The following NELFA variants were observed in gnomAD, a reference collection of about 807,000 sequenced individuals.
The protein encoded by NELFA is negative elongation factor A.
Under a neutral mutation model 51.8 loss-of-function variants are expected in NELFA, and 35 were observed. That is an observed-to-expected ratio of 0.68 (90% CI 0.52 to 0.90). The LOEUF (loss-of-function observed/expected upper bound fraction) is 0.90. Ranked by LOEUF, NELFA falls within the 40% of genes least tolerant of loss-of-function variation. The probability of loss-of-function intolerance (pLI) is 0.00; values close to 1 mark genes in which losing one functional copy is unlikely to be tolerated. For synonymous variants in NELFA, 417 were observed against 338.4 expected, an observed-to-expected ratio of 1.23 and a Z score of -2.55; for missense variants, 658 against 746.4, an observed-to-expected ratio of 0.88 and a Z score of 1.38.
chr4:2,002,487 A>G (rs970688333), intron 1 of NELFA, among the ~76,000 whole-genome samples: 1 of 152,240 alleles, frequency 6.6e-6, no homozygotes. Flanking sequence ...AACTACACTT[A>G]CAAGGCTACA....
chr4:1,992,987 G>A (rs891674513), intron 1 of NELFA, among the ~76,000 whole-genome samples: 3 of 152,172 alleles, frequency 2.0e-5, no homozygotes, highest in African/African-American at 4.8e-5. Context: ...ACGCCCGCCC[G>A]AGCTGAGTGC....
Position 1,991,707 on chromosome 4 carries a change from G to A in NELFA, c.219C>T (p.Gly73=), listed in dbSNP as rs369759546. 22 of 1,594,928 alleles carry A rather than the reference G, an allele frequency of 1.4e-5. No homozygotes were observed. The highest frequency in any genetic ancestry group is 3.4e-5 in the South Asian group (3 of 88,402). ...LPRRTVDEMK[G]ALMEIIQLAS... ...CGAGCTGGATGATCTCCATTAGGGC[G>A]CCCTTCATCTGCAAAATAGGATGCT... Residue 73 remains glycine (G), a synonymous_variant, in exon 2 of 11, where the codon GGC becomes GGT. Coordinates refer to ENST00000382882, the MANE Select transcript of NELFA (RefSeq NM_005663.5).
intron 1 of NELFA, chr4:1,992,496 G>T: frequency 2.3e-6 from 1 of 430,362 alleles, no homozygotes; most frequent in Non-Finnish European, 4.7e-6. Context: ...TGGCGTGCCT[G>T]TGCCTCTGCC....
chr4:2,008,124 G>A (rs972981270), intron 1 of NELFA: 3 of 439,868 alleles, frequency 6.8e-6, no homozygotes, highest in Non-Finnish European at 1.4e-5. Flanking sequence ...TCCTCACGCG[G>A]GGGTTTCTCT....
rs200464469 is a variant in NELFA, at chr4:1,985,861, G to C, written c.839C>G (p.Ala280Gly). Residue 280 changes from alanine (A) to glycine (G), a missense_variant, in exon 7 of 11, where the codon GCG becomes GGG. By Grantham distance (60) the Ala-to-Gly change is moderately conservative. Around this residue, in one of 3 missense-constraint regions of NELFA, gnomAD observed 371 missense variants for 448.3 expected, o/e 0.83. Transcript: ENST00000382882. ...CTTGGCCGGCTTCTCCACCACCTCC[G>C]CATCTGTGGACAAAACAGGAGTCCT... Reference protein sequence around the residue: ...EAKRRRKTLDAEVVEKPAKEE... With the variant: ...EAKRRRKTLDGEVVEKPAKEE... 1.9e-6 allele frequency: 3 copies of C among 1,612,230 alleles called. No individual in the cohort carries two copies. The highest frequency in any genetic ancestry group is 1.1e-5 in the South Asian group (1 of 90,888).
At chr4:1,984,545 C>G (rs575426129) in intron 8 of NELFA, among the ~76,000 whole-genome samples, 3 of 152,214 alleles carry the variant, frequency 2.0e-5, no homozygotes, top group South Asian at 4.1e-4. Context: ...AAAACCCTTT[C>G]GAACCCAATC....
At chr4:1,993,045 C>T (rs985207422) in intron 1 of NELFA, among the ~76,000 whole-genome samples, 1 of 152,244 alleles carries the variant, frequency 6.6e-6, no homozygotes, top group Non-Finnish European at 1.5e-5. Context: ...GCTGCGCACA[C>T]GCTGCCTCTG....
chr4:1,984,674 G>C, intron 8 of NELFA, 134 bp downstream of exon 8: 2 of 649,462 alleles, frequency 3.1e-6, no homozygotes, highest in Non-Finnish European at 5.3e-6. Flanking sequence ...TCTGCCCCCA[G>C]CAGATTCTGG....
At chr4:1,985,118 G>C (rs1425356600) in intron 7 of NELFA, among the ~76,000 whole-genome samples, 199 bp from the exon 8 acceptor site, 1 of 152,222 alleles carries the variant, frequency 6.6e-6, no homozygotes, top group Non-Finnish European at 1.5e-5. Context: ...GTTGGGGACT[G>C]AGCCGCTCCT....
At chr4:1,996,850 T>C (rs977921398) in intron 1 of NELFA, among the ~76,000 whole-genome samples, 9 of 152,182 alleles carry the variant, frequency 5.9e-5, no homozygotes, top group African/African-American at 2.2e-4. Context: ...GATAATCACT[T>C]GAGTCTGGAA....
At chr4:2,001,361 C>A (rs747878949) in intron 1 of NELFA, among the ~76,000 whole-genome samples, 10 of 152,190 alleles carry the variant, frequency 6.6e-5, no homozygotes, top group Non-Finnish European at 1.3e-4. Context: ...CAAGTTGTCT[C>A]TGTTTGCAGA....
intron 1 of NELFA, among the ~76,000 whole-genome samples, chr4:2,000,331 CA>C (rs1320242810): frequency 2.0e-5 from 3 of 151,822 alleles, no homozygotes; most frequent in African/African-American, 7.3e-5. Context: ...CCCTCCCCCC[CA>C]AAAAATATCA....
At chr4:2,006,768 CAAAA>C (rs57055347) in intron 1 of NELFA, among the ~76,000 whole-genome samples, 1 of 79,806 alleles carries the variant, frequency 1.3e-5, no homozygotes, top group Non-Finnish European at 2.5e-5. Flanking sequence ...GACGCTGTCT[CAAAA>C]AAAAAAAAAA....
At chr4:2,005,720 A>G (rs1273454815) in intron 1 of NELFA, among the ~76,000 whole-genome samples, 1 of 152,056 alleles carries the variant, frequency 6.6e-6, no homozygotes, top group Non-Finnish European at 1.5e-5. Context: ...CAAACAAACA[A>G]AAACAAAAAT....
chr4:1,983,209 C>A lies in NELFA; in HGVS notation c.*110G>T. 1 of 1,131,548 alleles carries A rather than the reference C, an allele frequency of 8.8e-7. No homozygotes were observed. Among genetic ancestry groups the A allele is most frequent in the Non-Finnish European group, 1.2e-6 (1 of 801,466 alleles). 70.1% of individuals were successfully genotyped at this position (1,131,548 alleles called of 1,614,324 possible). The stretch of plus-strand genomic sequence containing the variant: ...ACAGGCTGGGTCAGCAGCAGGGCGG[C>A]GGCCGGGGGACCTCGGGGGCCAGGT... On this transcript the variant is annotated 3_prime_UTR_variant, in exon 11 of 11. Coordinates refer to ENST00000382882, the MANE Select transcript of NELFA (RefSeq NM_005663.5).
At position 1,989,188 on chromosome 4, in the gene NELFA, T is replaced by G. The variant is rs1016809665; in HGVS notation, c.544+520A>C. ...CTCGATCTCCTGACCTCAGGTGATC[T>G]GCTGGCCTCAGCCTCCCAAAGTGCT... On this transcript the variant is annotated intron_variant, in intron 3 of 10. Coordinates refer to ENST00000382882, the MANE Select transcript of NELFA (RefSeq NM_005663.5). The surrounding 1 kb of genome is among the most constrained non-coding windows in gnomAD (Gnocchi z 4.8). 3.5e-4 allele frequency among the ~76,000 whole-genome samples: 54 copies of G among 152,116 alleles called. No individual in the cohort carries two copies. The highest frequency in any genetic ancestry group is 1.3e-3 in the African/African-American group (52 of 41,416).
chr4:1,988,946 G>GT (rs35323893), intron 3 of NELFA, among the ~76,000 whole-genome samples: 3,416 of 136,608 alleles, frequency 0.025, 97 homozygotes, highest in African/African-American at 0.068. Flanking sequence ...AAGTTGGTGG[G>GT]TTTTTTTTTT....
chr4:1,985,949 C>T, intron 6 of NELFA, 85 bp from the exon 7 acceptor site: 2 of 1,379,494 alleles, frequency 1.4e-6, no homozygotes, highest in Non-Finnish European at 9.9e-7. Context: ...CAAACAGCTT[C>T]CCAGGGGAGG....
chr4:2,008,058 G>A, intron 1 of NELFA: 1 of 456,784 alleles, frequency 2.2e-6, no homozygotes, highest in Non-Finnish European at 4.4e-6. Flanking sequence ...TTTGCGAGGT[G>A]AGAACAAGAA....
Sources: allele counts gnomAD v4.1 joint callset (sites outside exome capture counted in the v4.1 genomes callset), GRCh38; gene constraint gnomAD v4.1.1; regional missense constraint gnomAD v4.1.1; non-coding constraint Gnocchi (gnomAD v3.1); transcripts MANE v1.5; gene names NCBI Gene and HGNC (gene_info 2026-07-23, HGNC 2026-07-21).